The following TENM2 variants were observed in gnomAD, a reference collection of about 807,000 sequenced individuals.
TENM2 encodes teneurin transmembrane protein 2.
A neutral mutation model predicts 245.2 loss-of-function variants in TENM2; 52 were observed. The observed-to-expected ratio is 0.21, with a 90% CI of 0.17 to 0.27. The LOEUF is 0.27. Among genes scored for constraint, TENM2 ranks in the 10% least tolerant of loss-of-function variants. TENM2 has a pLI of 1.00. For missense variants in TENM2, 3,046 were observed against 3,666.8 expected (o/e 0.83, Z 4.37); for synonymous variants, 1,363 against 1,438.9 (o/e 0.95, Z 1.19).
At chr5:167,036,208 AG>A in the TENM2 span, among the ~76,000 whole-genome samples, 1 of 152,218 alleles carries the variant, frequency 6.6e-6, no homozygotes, top group Non-Finnish European at 1.5e-5. Flanking sequence ...GAGGAATTCT[AG>A]GCCAAGAGAA....
chr5:167,319,005 C>T lies in TENM2; in HGVS notation c.226+33942C>T, dbSNP rs541379010. On this transcript the variant is annotated intron_variant, in intron 1 of 28. Coordinates refer to ENST00000518659, the Ensembl canonical transcript of TENM2. ...TGCCTTGCAAAGGCAACTTGTCATT[C>T]GAGGCTTTCTTTTATGGGATATTTA... Among the ~76,000 whole-genome samples, 16 of 152,078 alleles carry T rather than the reference C, an allele frequency of 1.1e-4. No homozygotes were observed. The South Asian group carries it at 1.9e-3, about 18-fold the overall frequency.
chr5:167,870,554 C>CATATATATATATATATAT lies in TENM2; in HGVS notation c.503-5416_503-5415insATATATATATATATATAT, dbSNP rs60172043. Among the ~76,000 whole-genome samples the CATATATATATATATATAT allele has an allele frequency of 1.8e-3, 236 of 128,294 alleles. 3 individuals are homozygous for CATATATATATATATATAT. The highest frequency in any genetic ancestry group is 6.2e-3 in the African/African-American group (213 of 34,194). 84.2% of individuals were successfully genotyped at this position (128,294 alleles called of 152,430 possible). Reference sequence around the variant, plus strand: ...ACTGAATGTTAAAAGAATGTGTATACATATATATATATATATGTGTGTGTA... The same window carrying CATATATATATATATATAT: ...ACTGAATGTTAAAAGAATGTGTATACATATATATATATATATATATATATATATATATATGTGTGTGTA... On this transcript the variant is annotated intron_variant, in intron 2 of 28. Transcript: ENST00000518659.
intron 2 of TENM2, among the ~76,000 whole-genome samples, chr5:167,459,361 G>T (rs1363939182): frequency 6.6e-6 from 1 of 152,174 alleles, no homozygotes; most frequent in Non-Finnish European, 1.5e-5. Context: ...CCCACTGTAG[G>T]TATAAACTGC....
intron 9 of TENM2, among the ~76,000 whole-genome samples, chr5:168,109,981 G>T (rs1794546311): frequency 6.6e-6 from 1 of 151,964 alleles, no homozygotes; most frequent in African/African-American, 2.4e-5. Flanking sequence ...TCACTTCGCG[G>T]GGCTTCAGTC....
At chr5:168,067,144 A>T (rs569728066) in intron 7 of TENM2, among the ~76,000 whole-genome samples, 3 of 152,318 alleles carry the variant, frequency 2.0e-5, no homozygotes, top group Non-Finnish European at 2.9e-5. Flanking sequence ...AATATTAAAA[A>T]TGCCTATTTC....
intron 3 of TENM2, among the ~76,000 whole-genome samples, chr5:167,920,113 A>C (rs1011515857): frequency 6.6e-6 from 1 of 152,158 alleles, no homozygotes; most frequent in Non-Finnish European, 1.5e-5. Flanking sequence ...CTAAAAATGC[A>C]AAACTGCTAC....
intron 12 of TENM2, among the ~76,000 whole-genome samples, chr5:168,141,104 G>A (rs1459992760): frequency 2.0e-5 from 3 of 152,064 alleles, no homozygotes; most frequent in Non-Finnish European, 2.9e-5. Flanking sequence ...TCTATGTCCT[G>A]CTCTACTCAG....
At chr5:168,086,317 T>C (rs1483920264) in intron 7 of TENM2, among the ~76,000 whole-genome samples, 1 of 152,142 alleles carries the variant, frequency 6.6e-6, no homozygotes, top group African/African-American at 2.4e-5. Context: ...AGTGGGGAGA[T>C]TTATAATTGG....
the TENM2 span, among the ~76,000 whole-genome samples, chr5:167,238,308 G>A: frequency 6.6e-6 from 1 of 152,048 alleles, no homozygotes; most frequent in Non-Finnish European, 1.5e-5. Flanking sequence ...TCATTATACA[G>A]TAATGTATCA....
rs530390773 is a variant in TENM2, at chr5:167,869,352, G to C, written c.503-6634G>C. Among the ~76,000 whole-genome samples, 92 of 152,322 alleles carry C rather than the reference G, an allele frequency of 6.0e-4. 1 individual carries two copies. Among genetic ancestry groups the C allele is most frequent in the African/African-American group, 2.1e-3 (88 of 41,568 alleles). ...TGAATTTGAGTGTAAGGCGACTCTA[G>C]GTTGAGGAATAGCCCATTGAAGTTT... On this transcript the variant is annotated intron_variant, in intron 2 of 28. Transcript: ENST00000518659.
At chr5:167,310,024 TA>T (rs1755927340) in intron 1 of TENM2, among the ~76,000 whole-genome samples, 1 of 152,158 alleles carries the variant, frequency 6.6e-6, no homozygotes, top group Non-Finnish European at 1.5e-5. Context: ...TCTTTATAAG[TA>T]CTTAGCTGGA....
At chr5:167,375,846 G>C (rs939604508) in intron 2 of TENM2, among the ~76,000 whole-genome samples, 4 of 152,020 alleles carry the variant, frequency 2.6e-5, no homozygotes, top group Admixed American at 6.5e-5. Flanking sequence ...ATGGAAACCT[G>C]GGTTATTTTT....
At chr5:168,231,142 G>A (rs554462947) in intron 25 of TENM2, 2 of 152,316 alleles carry the variant, frequency 1.3e-5, no homozygotes, top group East Asian at 3.9e-4. Flanking sequence ...CACCCACCCT[G>A]GTGAGAACAC....
chr5:167,364,450 G>A (rs1759916811), intron 1 of TENM2, among the ~76,000 whole-genome samples: 1 of 151,996 alleles, frequency 6.6e-6, no homozygotes, highest in South Asian at 2.1e-4. Flanking sequence ...CCTAAATCCA[G>A]TCATATCAAT....
chr5:167,522,040 G>A (rs1033690824), intron 2 of TENM2, among the ~76,000 whole-genome samples: 3 of 151,990 alleles, frequency 2.0e-5, no homozygotes, highest in African/African-American at 4.8e-5. Context: ...TAATAAATGG[G>A]TTAAGACATA....
chr5:167,747,588 C>T (rs1251395704), intron 2 of TENM2, among the ~76,000 whole-genome samples: 1 of 152,166 alleles, frequency 6.6e-6, no homozygotes, highest in Non-Finnish European at 1.5e-5. Context: ...TAACATTGAT[C>T]GAGACTTTTC....
chr5:167,891,185 C>A (rs1333747002), intron 3 of TENM2, among the ~76,000 whole-genome samples: 1 of 152,144 alleles, frequency 6.6e-6, no homozygotes, highest in African/African-American at 2.4e-5. Flanking sequence ...TACCTCTAAC[C>A]TCTACTCTCA....
intron 2 of TENM2, among the ~76,000 whole-genome samples, chr5:167,795,071 T>C (rs1765226130): frequency 6.6e-6 from 1 of 152,192 alleles, no homozygotes; most frequent in Non-Finnish European, 1.5e-5. Context: ...GAGCAATTCA[T>C]TAAGCTTACC....
chr5:167,592,277 G>C (rs982035823), intron 2 of TENM2, among the ~76,000 whole-genome samples: 1 of 152,172 alleles, frequency 6.6e-6, no homozygotes, highest in Non-Finnish European at 1.5e-5. Context: ...GTTGACATCT[G>C]ATTCATCAGT....
Sources: allele counts gnomAD v4.1 joint callset (sites outside exome capture counted in the v4.1 genomes callset), GRCh38; gene constraint gnomAD v4.1.1; transcripts MANE v1.5; gene names NCBI Gene and HGNC (gene_info 2026-07-23, HGNC 2026-07-21).